TSPAN31: variants seen among roughly 807,000 people sequenced by gnomAD.
TSPAN31 encodes the protein tetraspanin-31.
In TSPAN31, 16 loss-of-function variants were observed where a neutral mutation model predicts 24.8. That is an observed-to-expected ratio of 0.64 (90% CI 0.44 to 0.98). The LOEUF (loss-of-function observed/expected upper bound fraction) is 0.98, where lower values mean the gene tolerates loss of function less well. Among genes scored for constraint, TSPAN31 ranks in the 50% least tolerant of loss-of-function variants. The pLI, the probability that TSPAN31 is intolerant of heterozygous loss-of-function variation, is 0.00. For missense variants in TSPAN31, 209 were observed against 251.6 expected (o/e 0.83, Z 1.15); for synonymous variants, 87 against 91.4 (o/e 0.95, Z 0.27).
Position 57,745,953 on chromosome 12 carries a change from G to A in TSPAN31, c.231+41G>A, listed in dbSNP as rs377382007. Reference sequence around the variant, plus strand: ...GTGATGGGGGCAACCGGGGGCTTGGGAGGGCTGTCATCTAAGGAAGATGTT... The same window carrying A: ...GTGATGGGGGCAACCGGGGGCTTGGAAGGGCTGTCATCTAAGGAAGATGTT... On this transcript the variant is annotated intron_variant, in intron 2 of 5. Coordinates refer to ENST00000257910, the MANE Select transcript of TSPAN31 (RefSeq NM_005981.5). 7.0e-6 allele frequency: 11 copies of A among 1,560,772 alleles called. No individual in the cohort carries two copies. The African/African-American group carries it at 9.6e-5, about 14-fold the overall frequency.
In TSPAN31 at chr12:57,749,610, C is replaced by G; in HGVS notation, c.*2320C>G. 1.8e-6 allele frequency: 2 copies of G among 1,087,486 alleles called. No homozygotes were observed. The highest frequency in any genetic ancestry group is 2.8e-6 in the Non-Finnish European group (2 of 717,544). 67.4% of individuals were successfully genotyped at this position (1,087,486 alleles called of 1,614,324 possible). ...AGGAAGTATAGGGAATAAAGGCCAA[C>G]AATTCCAGCACTTTGGGATGCTGAG... On this transcript the variant is annotated 3_prime_UTR_variant, in exon 6 of 6. Coordinates refer to ENST00000257910, the MANE Select transcript of TSPAN31 (RefSeq NM_005981.5).
rs1042842803 is a variant in TSPAN31 at position 57,750,195 on chromosome 12, A to G, written c.*2905A>G. The G allele has an allele frequency of 7.2e-6, 1 of 139,150 alleles. No individual in the cohort carries two copies. Among genetic ancestry groups the G allele is most frequent in the Non-Finnish European group, 1.6e-5 (1 of 63,362 alleles). 8.6% of individuals were successfully genotyped at this position (139,150 alleles called of 1,614,324 possible). On this transcript the variant is annotated 3_prime_UTR_variant, in exon 6 of 6. Transcript: ENST00000257910. ...AATAAATAAATAAATAAATAAATAA[A>G]TAAAAAATAAAGAGAATAAAGGGAT...
intron 4 of TSPAN31, 83 bp downstream of exon 4, chr12:57,746,803 G>A: frequency 6.3e-7 from 1 of 1,583,728 alleles, no homozygotes; most frequent in East Asian, 2.2e-5. Flanking sequence ...AATTTAGTTT[G>A]AATGTCATTG....
In TSPAN31 at chr12:57,747,550, G is replaced by T. The variant is rs1955172201; in HGVS notation, c.*260G>T. 1 of 410,308 alleles carries T rather than the reference G, an allele frequency of 2.4e-6. No individual in the cohort carries two copies. Among genetic ancestry groups the T allele is most frequent in the Non-Finnish European group, 4.4e-6 (1 of 225,822 alleles). The allele number at this position is 410,308 out of a possible 1,614,324, so 25.4% of individuals were successfully genotyped here. On this transcript the variant is annotated 3_prime_UTR_variant, in exon 6 of 6. Transcript: ENST00000257910. ...GCTTCTGTGAGTGCATAGGATGGGGGCTGGAGTCATTCTTAGCTGTTTCCC... is the reference window on the plus strand; with the variant it reads ...GCTTCTGTGAGTGCATAGGATGGGGTCTGGAGTCATTCTTAGCTGTTTCCC...
chr12:57,746,847 T>C, intron 4 of TSPAN31, 127 bp downstream of exon 4: 1 of 1,455,990 alleles, frequency 6.9e-7, no homozygotes, highest in Non-Finnish European at 9.4e-7. Flanking sequence ...GTATTGGGGC[T>C]GTGTTGGTGG....
chr12:57,749,027 C>T lies in TSPAN31; in HGVS notation c.*1737C>T. On this transcript the variant is annotated 3_prime_UTR_variant, in exon 6 of 6. Transcript: ENST00000257910. ...AGCCAGGATGGGTTCTCTTCTATAT[C>T]CTTCTCTGTGGGTGGCTATTTGCAG... 1.0e-6 allele frequency: 1 copy of T among 984,068 alleles called. No homozygotes were observed. The highest frequency in any genetic ancestry group is 1.6e-6 in the Non-Finnish European group (1 of 626,784). The allele number at this position is 984,068 out of a possible 1,614,324, so 61.0% of individuals were successfully genotyped here.
At position 57,747,638 on chromosome 12, in the gene TSPAN31, G is replaced by T; in HGVS notation, c.*348G>T. On this transcript the variant is annotated 3_prime_UTR_variant, in exon 6 of 6. Coordinates refer to ENST00000257910, the MANE Select transcript of TSPAN31 (RefSeq NM_005981.5). The stretch of plus-strand genomic sequence containing the variant: ...TGGTGTGGCTCTAAGGGTAAATCAG[G>T]GATAGGGCCAAGGAGAAAACAACCA... 4.9e-6 allele frequency: 1 copy of T among 203,176 alleles called. No homozygotes were observed. The highest frequency in any genetic ancestry group is 9.9e-6 in the Non-Finnish European group (1 of 101,110). The allele number at this position is 203,176 out of a possible 1,614,324, so 12.6% of individuals were successfully genotyped here.
chr12:57,745,298 G>T, intron 1 of TSPAN31, 81 bp downstream of exon 1: 2 of 1,427,120 alleles, frequency 1.4e-6, no homozygotes, highest in Non-Finnish European at 1.9e-6. Context: ...GGTGGGGAGA[G>T]GGGTGTATGG....
Position 57,749,926 on chromosome 12 carries a change from G to A in TSPAN31, c.*2636G>A, listed in dbSNP as rs3211618. 2,193 of 271,910 alleles carry A rather than the reference G, an allele frequency of 8.1e-3. 62 individuals are homozygous for A. Among genetic ancestry groups the A allele is most frequent in the South Asian group, 0.054 (1,412 of 26,148 alleles). 16.8% of individuals were successfully genotyped at this position (271,910 alleles called of 1,614,324 possible). A position where few individuals can be genotyped will look rare whatever the true frequency, so the allele number is the denominator to read the frequency against. On this transcript the variant is annotated 3_prime_UTR_variant, in exon 6 of 6. Coordinates refer to ENST00000257910, the MANE Select transcript of TSPAN31 (RefSeq NM_005981.5). ...TCAAGAGAATTGCTTGAATCTGGGA[G>A]GTGGAGGTTGCAGTGAGCAGAGATC...
Position 57,749,655 on chromosome 12 carries a change from C to A in TSPAN31, c.*2365C>A, listed in dbSNP as rs1955208730. 6.6e-6 allele frequency: 5 copies of A among 760,360 alleles called. No individual in the cohort carries two copies. The highest frequency in any genetic ancestry group is 1.2e-5 in the Non-Finnish European group (5 of 430,686). The allele number at this position is 760,360 out of a possible 1,614,324, so 47.1% of individuals were successfully genotyped here. ...GCTGAGGTGAGAGGACTGCTTGAGC[C>A]CAGGAGTTCTAGATCAGCCTGGGCA... On this transcript the variant is annotated 3_prime_UTR_variant, in exon 6 of 6. Coordinates refer to ENST00000257910, the MANE Select transcript of TSPAN31 (RefSeq NM_005981.5).
rs1302362629 is a variant in TSPAN31, at chr12:57,748,556, T to TA, written c.*1268dup. The stretch of plus-strand genomic sequence containing the variant: ...CGGATTACCTTCATCCTTATGTAGA[T>TA]AAGAGTGCTGCAGAGCTCGAAAGGC... On this transcript the variant is annotated 3_prime_UTR_variant, in exon 6 of 6. Transcript: ENST00000257910. 1 of 1,613,800 alleles carries TA rather than the reference T, an allele frequency of 6.2e-7. No individual in the cohort carries two copies. The highest frequency in any genetic ancestry group is 1.7e-5 in the Admixed American group (1 of 60,022).
chr12:57,749,573 GT>G lies in TSPAN31; in HGVS notation c.*2284del, dbSNP rs1955207750. The G allele has an allele frequency of 2.7e-6, 4 of 1,464,464 alleles. No homozygotes were observed. Among genetic ancestry groups the G allele is most frequent in the Non-Finnish European group, 3.8e-6 (4 of 1,046,164 alleles). The allele number at this position is 1,464,464 out of a possible 1,614,324, so 90.7% of individuals were successfully genotyped here. A position where few individuals can be genotyped will look rare whatever the true frequency, so the allele number is the denominator to read the frequency against. On this transcript the variant is annotated 3_prime_UTR_variant, in exon 6 of 6. Transcript: ENST00000257910. ...ATCTTAGTTGAATGGTTACTGCTTAGTGGCTCAAAATAGGAAGTATAGGGAA... is the reference window on the plus strand; with the variant it reads ...ATCTTAGTTGAATGGTTACTGCTTAGGGCTCAAAATAGGAAGTATAGGGAA...
chr12:57,745,470 C>CA (rs35187428), intron 1 of TSPAN31: 202,699 of 609,172 alleles, frequency 0.33, 39,523 homozygotes, highest in East Asian at 0.72. Context: ...CTGTGAACCT[C>CA]AGTTTCTTCC....
Position 57,745,899 on chromosome 12 carries a change from T to A in TSPAN31, c.218T>A (p.Val73Asp). The A allele has an allele frequency of 6.2e-7, 1 of 1,605,346 alleles. No individual in the cohort carries two copies. Among genetic ancestry groups the A allele is most frequent in the South Asian group, 1.1e-5 (1 of 90,240 alleles). Residue 73 changes from valine (V) to aspartate (D), a missense_variant, in exon 2 of 6, where the codon GTC (valine) becomes GAC (aspartate). Physicochemically the swap from Val to Asp is radical, Grantham distance 152 (BLOSUM62 -3). Coordinates refer to ENST00000257910, the MANE Select transcript of TSPAN31 (RefSeq NM_005981.5). ...GLVGAVNHHQ[V>D]LLFFYMIILG... ...GTGGGTGCTGTCAACCACCACCAAG[T>A]CCTGCTGTTCTTTGTATCCTGACCT... is the stretch of plus-strand genomic sequence containing the variant.
chr12:57,749,043 C>T lies in TSPAN31; in HGVS notation c.*1753C>T. ...CTTCTATATCCTTCTCTGTGGGTGG[C>T]TATTTGCAGCTGTAATAAAAACTAC... On this transcript the variant is annotated 3_prime_UTR_variant, in exon 6 of 6. Transcript: ENST00000257910. 1 of 1,084,510 alleles carries T rather than the reference C, an allele frequency of 9.2e-7. No individual in the cohort carries two copies. The highest frequency in any genetic ancestry group is 1.4e-6 in the Non-Finnish European group (1 of 705,324). 67.2% of individuals were successfully genotyped at this position (1,084,510 alleles called of 1,614,324 possible).
Position 57,749,004 on chromosome 12 carries a change from C to A in TSPAN31, c.*1714C>A. 2 of 829,100 alleles carry A rather than the reference C, an allele frequency of 2.4e-6. No individual in the cohort carries two copies. The highest frequency in any genetic ancestry group is 1.6e-5 in the South Asian group (1 of 62,274). The allele number at this position is 829,100 out of a possible 1,614,324, so 51.4% of individuals were successfully genotyped here. A position where few individuals can be genotyped will look rare whatever the true frequency, so the allele number is the denominator to read the frequency against. ...TACAGGCGTGAGCCACCGTGCCCAG[C>A]CAGGATGGGTTCTCTTCTATATCCT... On this transcript the variant is annotated 3_prime_UTR_variant, in exon 6 of 6. Coordinates refer to ENST00000257910, the MANE Select transcript of TSPAN31 (RefSeq NM_005981.5).
At chr12:57,745,598 C>T (rs985639711) in intron 1 of TSPAN31, 147 bp from the exon 2 acceptor site, 1 of 1,009,080 alleles carries the variant, frequency 9.9e-7, no homozygotes. Context: ...TAGGGATGCT[C>T]CCGGTGCGGA....
rs1955158526 is a variant in TSPAN31 at position 57,746,721 on chromosome 12, G to T, written c.444+1G>T. 6.2e-7 allele frequency: 1 copy of T among 1,614,144 alleles called. No individual in the cohort carries two copies. Among genetic ancestry groups the T allele is most frequent in the East Asian group, 2.2e-5 (1 of 44,894 alleles). The stretch of plus-strand genomic sequence containing the variant: ...ACAAGATTATGATTTCTGCACTGCA[G>T]TGAGTGTGTTGGGGGTGGTGCAGCA... On this transcript the variant is annotated splice_donor_variant, in intron 4 of 5. Transcript: ENST00000257910. LOFTEE classifies it high-confidence loss of function.
Position 57,746,688 on chromosome 12 carries a change from C to T in TSPAN31, c.412C>T (p.Leu138=). 6.2e-7 allele frequency: 1 copy of T among 1,614,032 alleles called. No individual in the cohort carries two copies. The highest frequency in any genetic ancestry group is 8.5e-7 in the Non-Finnish European group (1 of 1,180,016). Residue 138 remains leucine, a synonymous_variant, in exon 4 of 6, where the codon CTG becomes TTG. Coordinates refer to ENST00000257910, the MANE Select transcript of TSPAN31 (RefSeq NM_005981.5). ...TTGTGGCTTATTCAACCTCACAACC[C>T]TGTATCAACAAGATTATGATTTCTG... is the stretch of plus-strand genomic sequence containing the variant. ...DCCGLFNLTT[L]YQQDYDFCTA...
Sources: allele counts gnomAD v4.1 joint callset, GRCh38; gene constraint gnomAD v4.1.1; transcripts MANE v1.5; gene names NCBI Gene and HGNC (gene_info 2026-07-23, HGNC 2026-07-21).